The following ACOT7 variants were observed in gnomAD, a reference collection of about 807,000 sequenced individuals.
ACOT7 encodes cytosolic acyl coenzyme A thioester hydrolase.
A neutral mutation model predicts 40.2 loss-of-function variants in ACOT7; 12 were observed. The observed-to-expected ratio is 0.30, with a 90% CI of 0.19 to 0.48. The LOEUF (loss-of-function observed/expected upper bound fraction) is 0.48, where lower values mean the gene tolerates loss of function less well. Among genes scored for constraint, ACOT7 ranks in the 20% least tolerant of loss-of-function variants. ACOT7 has a pLI of 0.99. For synonymous variants in ACOT7, 228 were observed against 219.5 expected, an observed-to-expected ratio of 1.04 and a Z score of -0.34; for missense variants, 395 against 530.8, an observed-to-expected ratio of 0.74 and a Z score of 2.51.
intron 8 of ACOT7, among the ~76,000 whole-genome samples, chr1:6,269,273 A>G (rs756739777): frequency 6.6e-5 from 10 of 152,168 alleles, no homozygotes; most frequent in Admixed American, 3.3e-4. Flanking sequence ...GTCCATGGGA[A>G]GTGAGGAAGG....
chr1:6,356,044 T>C (rs3789470), intron 1 of ACOT7, among the ~76,000 whole-genome samples: 12,304 of 152,238 alleles, frequency 0.081, 829 homozygotes, highest in African/African-American at 0.18. Context: ...CCAGAAACTA[T>C]GAATGTCACC....
chr1:6,352,594 CTTT>C lies in ACOT7; in HGVS notation c.144-2731_144-2729del, dbSNP rs748612683. Among the ~76,000 whole-genome samples, 3 of 143,568 alleles carry C rather than the reference CTTT, an allele frequency of 2.1e-5. No homozygotes were observed. The highest frequency in any genetic ancestry group is 1.5e-5 in the Non-Finnish European group (1 of 65,256). The allele number at this position is 143,568 out of a possible 152,430, so 94.2% of individuals were successfully genotyped here. On this transcript the variant is annotated intron_variant, in intron 1 of 8. Transcript: ENST00000361521. This position sits in a 1 kb window ranked among gnomAD's most constrained non-coding sequence, Gnocchi z 4.5. ...CACTGGAGACTTCGTTTTCCCATTTCTTTTTTTTTTTTTTTGAGACGGCGTCTC... is the reference window on the plus strand; with the variant it reads ...CACTGGAGACTTCGTTTTCCCATTTCTTTTTTTTTTTTGAGACGGCGTCTC...
At chr1:6,374,962 C>T (rs1317968710) in intron 1 of ACOT7, among the ~76,000 whole-genome samples, 1 of 152,142 alleles carries the variant, frequency 6.6e-6, no homozygotes, top group Admixed American at 6.6e-5. Context: ...AAGATTTCAG[C>T]TCTGAGAAAG....
Position 6,327,408 on chromosome 1 carries a change from G to A in ACOT7, c.516C>T (p.Ser172=), listed in dbSNP as rs1485223374. 1.9e-6 allele frequency: 3 copies of A among 1,613,978 alleles called. No homozygotes were observed. In the African/African-American group the frequency reaches 4.0e-5, roughly 22 times the overall value. The stretch of plus-strand genomic sequence containing the variant: ...GGCCCTCCTCCTCCTGCTCCTGCCG[G>A]GAATACTGCGAGAAACCAAAGACAG... The part of the protein sequence containing the change: ...KVLEVPPVVY[S]RQEQEEEGRK... Residue 172 remains serine (S), a synonymous_variant, in exon 5 of 9, where the codon TCC becomes TCT. Coordinates refer to ENST00000361521, the MANE Select transcript of ACOT7 (RefSeq NM_007274.4).
At position 6,358,976 on chromosome 1, in the gene ACOT7, C is replaced by A; in HGVS notation, c.144-9110G>T. On this transcript the variant is annotated intron_variant, in intron 1 of 8. Coordinates refer to ENST00000361521, the MANE Select transcript of ACOT7 (RefSeq NM_007274.4). The surrounding 1 kb of genome is among the most constrained non-coding windows in gnomAD (Gnocchi z 4.1). ...GGGCTTGGTGGGGAGCACCCCCCAC[C>A]CCCAGCTTCCTGAGCTGCCCAATCT... is the stretch of plus-strand genomic sequence containing the variant. 6.9e-7 allele frequency: 1 copy of A among 1,454,534 alleles called. No homozygotes were observed. The highest frequency in any genetic ancestry group is 1.4e-5 in the South Asian group (1 of 70,680). 90.1% of individuals were successfully genotyped at this position (1,454,534 alleles called of 1,614,324 possible).
rs575771235 is a variant in ACOT7, at chr1:6,347,178, C to T, written c.261+2571G>A. ...CCCTTCTAGGCACTGGGACTGTTCT[C>T]ACCCCCACGCCCTGGGGCTGCCTGG... On this transcript the variant is annotated intron_variant, in intron 2 of 8. Coordinates refer to ENST00000361521, the MANE Select transcript of ACOT7 (RefSeq NM_007274.4). 1.3e-4 allele frequency among the ~76,000 whole-genome samples: 20 copies of T among 152,258 alleles called. No homozygotes were observed. In the East Asian group the frequency reaches 3.9e-3, roughly 29 times the overall value.
intron 1 of ACOT7, among the ~76,000 whole-genome samples, chr1:6,381,617 C>T (rs1258665246): frequency 6.6e-6 from 1 of 151,820 alleles, no homozygotes; most frequent in East Asian, 1.9e-4. Context: ...CTGTGGAAAA[C>T]AGTATGGTCG....
At chr1:6,375,832 GGAGGCCGAGACAGAAGAATGGCAT>G (rs939470937) in intron 1 of ACOT7, among the ~76,000 whole-genome samples, 1 of 151,978 alleles carries the variant, frequency 6.6e-6, no homozygotes, top group Admixed American at 6.6e-5. Context: ...CAGCTGCTCG[GGAGGCCGAGACAGAAGAATGGCAT>G]GAACCCGGGA....
chr1:6,390,987 T>C lies in ACOT7; in HGVS notation c.143+2270A>G, dbSNP rs1642523951. On this transcript the variant is annotated intron_variant, in intron 1 of 8. Coordinates refer to ENST00000361521, the MANE Select transcript of ACOT7 (RefSeq NM_007274.4). ...CACACACTTACTGTATGGAAGTGTC[T>C]AAAGCTATACAAAAATCTAGTAACT... 2.7e-5 allele frequency among the ~76,000 whole-genome samples: 4 copies of C among 150,726 alleles called. No individual in the cohort carries two copies. In the South Asian group the frequency reaches 8.4e-4, roughly 32 times the overall value.
At chr1:6,307,825 C>T (rs890291311) in intron 6 of ACOT7, among the ~76,000 whole-genome samples, 2 of 149,552 alleles carry the variant, frequency 1.3e-5, no homozygotes, top group Non-Finnish European at 3.0e-5. Context: ...GAACTGTGAC[C>T]GGGCAGAGGG....
chr1:6,327,523 T>G, intron 4 of ACOT7, 110 bp from the exon 5 acceptor site: 2 of 864,086 alleles, frequency 2.3e-6, no homozygotes, highest in East Asian at 5.3e-5. Flanking sequence ...GACTATTTTT[T>G]CTTCTGTTCA....
rs1035812444 is a variant in ACOT7 at position 6,350,761 on chromosome 1, G to A, written c.144-895C>T. Reference sequence around the variant, plus strand: ...TTGCTGGACAGTGTGGGGGCCCCAGGAGCAGCGTCTCCCCAGGTCTGCATC... The same window carrying A: ...TTGCTGGACAGTGTGGGGGCCCCAGAAGCAGCGTCTCCCCAGGTCTGCATC... On this transcript the variant is annotated intron_variant, in intron 1 of 8. Transcript: ENST00000361521. Among the ~76,000 whole-genome samples the A allele has an allele frequency of 3.3e-5, 5 of 152,306 alleles. No individual in the cohort carries two copies. In the East Asian group the frequency reaches 9.7e-4, roughly 29 times the overall value.
rs1284669372 is a variant in ACOT7 at position 6,281,269 on chromosome 1, A to C, written c.847T>G (p.Ser283Ala). The C allele has an allele frequency of 6.2e-7, 1 of 1,613,444 alleles. No individual in the cohort carries two copies. Among genetic ancestry groups the C allele is most frequent in the Admixed American group, 1.7e-5 (1 of 59,976 alleles). ...KIRKGCVITI[S>A]GRMTFTSNKS... ...TTGCTCGTGAAGGTCATGCGTCCCG[A>C]GATGGTGATGACGCAGCCTGTGGAG... is the stretch of plus-strand genomic sequence containing the variant. The change falls in exon 8 of 9, where the codon TCG becomes GCG. Residue 283 changes from serine (S) to alanine (A), a missense_variant. By Grantham distance (99) the Ser-to-Ala change is moderately conservative. Transcript: ENST00000361521.
chr1:6,327,463 C>T (rs759570126), intron 4 of ACOT7, 50 bp from the exon 5 acceptor site: 2 of 1,572,992 alleles, frequency 1.3e-6, no homozygotes, highest in East Asian at 2.3e-5. Context: ...CGGCCTCCTC[C>T]CCTCGCTGGG....
intron 6 of ACOT7, among the ~76,000 whole-genome samples, chr1:6,296,417 T>C (rs1639812820): frequency 6.6e-6 from 1 of 150,932 alleles, no homozygotes; most frequent in Non-Finnish European, 1.5e-5. Flanking sequence ...TACAATTATT[T>C]CAATTTTTAA....
chr1:6,330,669 G>T lies in ACOT7; in HGVS notation c.510+2808C>A, dbSNP rs946460142. On this transcript the variant is annotated intron_variant, in intron 4 of 8. Transcript: ENST00000361521. The surrounding 1 kb of genome is among the most constrained non-coding windows in gnomAD (Gnocchi z 4.6). Reference sequence around the variant, plus strand: ...GCAAGGAGAGGCGAGGCTAACAGGGGCCACGCTGAAAGCACCCTGTCCCTG... The same window carrying T: ...GCAAGGAGAGGCGAGGCTAACAGGGTCCACGCTGAAAGCACCCTGTCCCTG... 1.3e-5 allele frequency among the ~76,000 whole-genome samples: 2 copies of T among 152,156 alleles called. No individual in the cohort carries two copies. Among genetic ancestry groups the T allele is most frequent in the East Asian group, 3.9e-4 (2 of 5,184 alleles).
At chr1:6,305,608 C>T (rs1201945262) in intron 6 of ACOT7, among the ~76,000 whole-genome samples, 165 of 149,360 alleles carry the variant, frequency 1.1e-3, no homozygotes, top group Non-Finnish European at 1.4e-3. Context: ...AGGGCAGAGG[C>T]GCTCCCCACA....
At chr1:6,320,979 G>A (rs1219167396) in intron 5 of ACOT7, among the ~76,000 whole-genome samples, 1 of 152,192 alleles carries the variant, frequency 6.6e-6, no homozygotes, top group African/African-American at 2.4e-5. Context: ...GGGAACAGAA[G>A]AGCACACTCA....
In ACOT7 at chr1:6,327,896, C is replaced by A. The variant is rs1640849849; in HGVS notation, c.511-483G>T. Among the ~76,000 whole-genome samples, 3 of 152,262 alleles carry A rather than the reference C, an allele frequency of 2.0e-5. No homozygotes were observed. In the East Asian group the frequency reaches 5.8e-4, roughly 29 times the overall value. ...TCAAGTGATTCTCCTGCCTCAGCCT[C>A]CCCGGTACCTGGGACGACAGGTGCC... On this transcript the variant is annotated intron_variant, in intron 4 of 8. Transcript: ENST00000361521.
Sources: allele counts gnomAD v4.1 joint callset (sites outside exome capture counted in the v4.1 genomes callset), GRCh38; gene constraint gnomAD v4.1.1; non-coding constraint Gnocchi (gnomAD v3.1); transcripts MANE v1.5; gene names NCBI Gene and HGNC (gene_info 2026-07-23, HGNC 2026-07-21).